Variants in EPHA6 observed in about 807,000 individuals in gnomAD.
The protein encoded by EPHA6 is ephrin type-A receptor 6.
In EPHA6, 50 loss-of-function variants were observed where a neutral mutation model predicts 112.0. That is an observed-to-expected ratio of 0.45 (90% CI 0.36 to 0.56). The LOEUF is 0.56. Among genes scored for constraint, EPHA6 ranks in the 20% least tolerant of loss-of-function variants. The pLI is 0.00. For missense variants in EPHA6, 1,280 were observed against 1,417.4 expected (o/e 0.90, Z 1.56); for synonymous variants, 529 against 490.7 (o/e 1.08, Z -1.03).
At chr3:97,634,830 C>A (rs1576149694) in intron 13 of EPHA6, among the ~76,000 whole-genome samples, 1 of 152,052 alleles carries the variant, frequency 6.6e-6, no homozygotes, top group Non-Finnish European at 1.5e-5. Flanking sequence ...ATCCTGCTTT[C>A]TTCTCTTCCT....
intron 2 of EPHA6, among the ~76,000 whole-genome samples, chr3:96,882,770 A>G (rs968469749): frequency 2.5e-4 from 29 of 115,228 alleles, no homozygotes; most frequent in Admixed American, 1.0e-3. Flanking sequence ...GTGTGTGTGT[A>G]TAGTCAATCA....
chr3:96,878,608 A>T (rs961233965), intron 2 of EPHA6, among the ~76,000 whole-genome samples: 3 of 152,132 alleles, frequency 2.0e-5, no homozygotes, highest in African/African-American at 7.2e-5. Flanking sequence ...GTAATATTGT[A>T]CATTTGACAA....
chr3:97,474,399 T>G (rs1309243018), intron 7 of EPHA6, among the ~76,000 whole-genome samples: 2 of 152,056 alleles, frequency 1.3e-5, no homozygotes, highest in African/African-American at 4.8e-5. Flanking sequence ...TTTTATATTA[T>G]TGATGATTAA....
intron 5 of EPHA6, among the ~76,000 whole-genome samples, chr3:97,338,405 A>G (rs1294058782): frequency 6.6e-6 from 1 of 152,130 alleles, no homozygotes; most frequent in Non-Finnish European, 1.5e-5. Context: ...CTCTGTGAGC[A>G]TCTACCCAGA....
rs1040854052 is a variant in EPHA6, at chr3:97,102,415, G to A, written c.1114+114422G>A. Among the ~76,000 whole-genome samples, 5 of 152,040 alleles carry A rather than the reference G, an allele frequency of 3.3e-5. 1 individual carries two copies. Among genetic ancestry groups the A allele is most frequent in the African/African-American group, 1.2e-4 (5 of 41,406 alleles). On this transcript the variant is annotated intron_variant, in intron 3 of 17. Transcript: ENST00000389672. ...ATTGTTATTTTAACCCATTAAATGT[G>A]GGTAGGGGGATAGTGTATGACAACA...
chr3:97,546,617 G>C (rs1364359379), intron 11 of EPHA6, among the ~76,000 whole-genome samples: 1 of 152,152 alleles, frequency 6.6e-6, no homozygotes, highest in East Asian at 1.9e-4. Context: ...GGCCTGCCTT[G>C]CTATATTTGG....
intron 12 of EPHA6, among the ~76,000 whole-genome samples, chr3:97,596,892 A>ATATATATATG (rs1300955937): frequency 7.2e-6 from 1 of 139,654 alleles, no homozygotes; most frequent in African/African-American, 2.8e-5. Flanking sequence ...ATATATATAT[A>ATATATATATG]TATATATATA....
chr3:97,385,268 G>A (rs753281284), intron 5 of EPHA6, among the ~76,000 whole-genome samples: 5 of 152,028 alleles, frequency 3.3e-5, no homozygotes, highest in Non-Finnish European at 7.4e-5. Context: ...TACTTTATGT[G>A]GACACATTGA....
At chr3:97,602,752 A>G (rs1330321221) in intron 12 of EPHA6, among the ~76,000 whole-genome samples, 8 of 152,052 alleles carry the variant, frequency 5.3e-5, no homozygotes, top group Non-Finnish European at 1.2e-4. Context: ...ATTCTTACCT[A>G]CCTGCTGATT....
chr3:97,287,118 T>C (rs1245288698), intron 5 of EPHA6, among the ~76,000 whole-genome samples: 4 of 152,224 alleles, frequency 2.6e-5, no homozygotes, highest in African/African-American at 9.6e-5. Context: ...ACTGAATTTA[T>C]TTATCAGGTC....
chr3:96,875,142 C>T (rs1290266669), intron 2 of EPHA6, among the ~76,000 whole-genome samples: 2 of 152,068 alleles, frequency 1.3e-5, no homozygotes, highest in East Asian at 3.9e-4. Flanking sequence ...ATAATAATAA[C>T]AGTGAAACAC....
intron 14 of EPHA6, among the ~76,000 whole-genome samples, chr3:97,660,824 G>A (rs1287147110): frequency 1.3e-5 from 2 of 151,892 alleles, no homozygotes; most frequent in African/African-American, 4.8e-5. Context: ...TTAACCATAG[G>A]CCTACTCAAC....
intron 3 of EPHA6, among the ~76,000 whole-genome samples, chr3:97,131,278 A>G (rs571748766): frequency 6.6e-6 from 1 of 152,240 alleles, no homozygotes; most frequent in Admixed American, 6.5e-5. Flanking sequence ...GCATGGGTTC[A>G]TATAGAAATA....
At chr3:97,209,828 G>A (rs1307464426) in intron 3 of EPHA6, among the ~76,000 whole-genome samples, 1 of 152,144 alleles carries the variant, frequency 6.6e-6, no homozygotes, top group Non-Finnish European at 1.5e-5. Context: ...GCAGTGATGA[G>A]TGAGTTTCGT....
intron 3 of EPHA6, among the ~76,000 whole-genome samples, chr3:97,080,912 A>G (rs1432414600): frequency 6.6e-6 from 1 of 152,026 alleles, no homozygotes; most frequent in Non-Finnish European, 1.5e-5. Flanking sequence ...ATACTTTAAT[A>G]GTTGTATTTA....
intron 3 of EPHA6, among the ~76,000 whole-genome samples, chr3:97,103,171 A>T (rs1467525476): frequency 1.3e-5 from 2 of 151,864 alleles, no homozygotes; most frequent in Non-Finnish European, 2.9e-5. Flanking sequence ...CTTTTTTGTG[A>T]TTGCTTTTGG....
chr3:97,348,624 T>G (rs2108885173), intron 5 of EPHA6, among the ~76,000 whole-genome samples: 1 of 152,146 alleles, frequency 6.6e-6, no homozygotes, highest in African/African-American at 2.4e-5. Flanking sequence ...GTGAGCACAG[T>G]TACAAAATGT....
At chr3:96,890,759 G>A (rs1300026619) in intron 2 of EPHA6, among the ~76,000 whole-genome samples, 1 of 152,168 alleles carries the variant, frequency 6.6e-6, no homozygotes, top group African/African-American at 2.4e-5. Flanking sequence ...ACTACTTTGG[G>A]AAACTATTTG....
chr3:97,394,152 G>C (rs1031397721), intron 5 of EPHA6, among the ~76,000 whole-genome samples: 6 of 151,508 alleles, frequency 4.0e-5, no homozygotes, highest in Non-Finnish European at 8.9e-5. Flanking sequence ...AAGATACCAA[G>C]AACAAAAACT....
Sources: allele counts gnomAD v4.1 joint callset (sites outside exome capture counted in the v4.1 genomes callset), GRCh38; gene constraint gnomAD v4.1.1; transcripts MANE v1.5; gene names NCBI Gene and HGNC (gene_info 2026-07-23, HGNC 2026-07-21).